DNAJC15: variants seen among roughly 807,000 people sequenced by gnomAD.
DNAJC15 encodes dnaJ homolog subfamily C member 15.
DNAJC15 carries 27 observed loss-of-function variants against 22.4 expected under a neutral mutation model. The ratio of observed to expected loss-of-function variants is 1.20; its 90% confidence interval spans 0.89 to 1.66. DNAJC15 has a LOEUF of 1.66. DNAJC15 is among the 40% of genes most tolerant of loss of function. The pLI, the probability that DNAJC15 is intolerant of heterozygous loss-of-function variation, is 0.00. For missense variants in DNAJC15, 208 were observed against 187.1 expected (o/e 1.11, Z -0.65); for synonymous variants, 79 against 63.2 (o/e 1.25, Z -1.19).
intron 1 of DNAJC15, among the ~76,000 whole-genome samples, chr13:43,030,653 A>G (rs755769560): frequency 6.6e-6 from 1 of 152,206 alleles, no homozygotes; most frequent in African/African-American, 2.4e-5. Context: ...TCTAAGTGCT[A>G]TAGTGGATAC....
At chr13:43,086,162 G>A (rs980283486) in intron 5 of DNAJC15, among the ~76,000 whole-genome samples, 7 of 152,178 alleles carry the variant, frequency 4.6e-5, no homozygotes, top group African/African-American at 1.7e-4. Context: ...TGGGCATCAC[G>A]AATTGTATTT....
chr13:43,084,543 C>A (rs1441287142), intron 4 of DNAJC15, among the ~76,000 whole-genome samples: 1 of 152,172 alleles, frequency 6.6e-6, no homozygotes, highest in Non-Finnish European at 1.5e-5. Context: ...TTATTTTGAG[C>A]TTTACAATAA....
intron 5 of DNAJC15, among the ~76,000 whole-genome samples, chr13:43,093,399 T>C (rs1200616843): frequency 6.6e-6 from 1 of 152,188 alleles, no homozygotes; most frequent in Non-Finnish European, 1.5e-5. Context: ...AATTGTTTTC[T>C]TTTTATTTTT....
In DNAJC15 at chr13:43,107,290, C is replaced by T. The variant is rs9562463; in HGVS notation, c.*42C>T. The T allele has an allele frequency of 6.3e-6, 7 of 1,118,804 alleles. No individual in the cohort carries two copies. The highest frequency in any genetic ancestry group is 3.0e-5 in the East Asian group (1 of 33,400). The allele number at this position is 1,118,804 out of a possible 1,614,324, so 69.3% of individuals were successfully genotyped here. A position where few individuals can be genotyped will look rare whatever the true frequency, so the allele number is the denominator to read the frequency against. On this transcript the variant is annotated 3_prime_UTR_variant, in exon 6 of 6. Coordinates refer to ENST00000379221, the MANE Select transcript of DNAJC15 (RefSeq NM_013238.3). ...TGAAGGAAAAAAAAAGAGGGGACTT[C>T]GAAAAAAAAAAAAGCCCTGCAAAAT...
At chr13:43,105,566 C>G (rs1018399728) in intron 5 of DNAJC15, among the ~76,000 whole-genome samples, 3 of 152,036 alleles carry the variant, frequency 2.0e-5, no homozygotes, top group African/African-American at 7.2e-5. Flanking sequence ...TCATTTTTTT[C>G]CTCTAACATT....
chr13:43,080,101 G>T (rs978991061), intron 4 of DNAJC15, among the ~76,000 whole-genome samples: 3 of 151,970 alleles, frequency 2.0e-5, no homozygotes, highest in African/African-American at 4.8e-5. Context: ...TAGGTTCAGG[G>T]TTACACGTGC....
chr13:43,043,482 C>T (rs1481088929), intron 1 of DNAJC15, among the ~76,000 whole-genome samples: 1 of 152,182 alleles, frequency 6.6e-6, no homozygotes, highest in East Asian at 1.9e-4. Flanking sequence ...CAAAACAGTA[C>T]TTAAAAGATC....
At chr13:43,068,857 G>T in intron 2 of DNAJC15, 73 bp from the exon 3 acceptor site, 1 of 1,246,882 alleles carries the variant, frequency 8.0e-7, no homozygotes, top group Non-Finnish European at 1.1e-6. Context: ...AAATACTGTT[G>T]CAAGCACTTT....
At chr13:43,104,676 T>G (rs1486208364) in intron 5 of DNAJC15, among the ~76,000 whole-genome samples, 2 of 146,984 alleles carry the variant, frequency 1.4e-5, no homozygotes, top group African/African-American at 5.0e-5. Context: ...TTTGTTCTTT[T>G]TCTTTTCTTT....
intron 5 of DNAJC15, among the ~76,000 whole-genome samples, chr13:43,093,785 A>G (rs1292328864): frequency 6.6e-6 from 1 of 152,164 alleles, no homozygotes; most frequent in Non-Finnish European, 1.5e-5. Flanking sequence ...ATATATTAGT[A>G]TAGATAACAT....
intron 1 of DNAJC15, among the ~76,000 whole-genome samples, chr13:43,029,867 C>T (rs905121470): frequency 6.6e-6 from 1 of 152,106 alleles, no homozygotes; most frequent in African/African-American, 2.4e-5. Context: ...GTACCAGGCA[C>T]ATGGTTGCTC....
intron 5 of DNAJC15, among the ~76,000 whole-genome samples, chr13:43,089,165 C>T (rs1251253727): frequency 6.6e-6 from 1 of 152,112 alleles, no homozygotes; most frequent in Non-Finnish European, 1.5e-5. Flanking sequence ...GTAGTGATAA[C>T]TAATACATTA....
At chr13:43,102,265 T>TAAA (rs2040773049) in intron 5 of DNAJC15, among the ~76,000 whole-genome samples, 1 of 152,174 alleles carries the variant, frequency 6.6e-6, no homozygotes, top group African/African-American at 2.4e-5. Flanking sequence ...TAGCCCACTT[T>TAAA]TTGATGGGAT....
In DNAJC15 at chr13:43,109,942, T is replaced by TA. The variant is rs10611445; in HGVS notation, c.*2701dup. 1.3e-5 allele frequency: 2 copies of TA among 152,148 alleles called. No individual in the cohort carries two copies. The highest frequency in any genetic ancestry group is 2.4e-5 in the African/African-American group (1 of 41,410). The allele number at this position is 152,148 out of a possible 1,614,324, so 9.4% of individuals were successfully genotyped here. A position where few individuals can be genotyped will look rare whatever the true frequency, so the allele number is the denominator to read the frequency against. On this transcript the variant is annotated 3_prime_UTR_variant, in exon 6 of 6. Transcript: ENST00000379221. ...TAAAGCATTTAGTCACGTAAATGCT[T>TA]AAAAAAATGTAATTTTTACTTCTTT...
chr13:43,041,101 T>C (rs1233405943), intron 1 of DNAJC15, among the ~76,000 whole-genome samples: 1 of 152,162 alleles, frequency 6.6e-6, no homozygotes, highest in African/African-American at 2.4e-5. Context: ...GGTGTCGGGC[T>C]GGGGGACGGT....
intron 1 of DNAJC15, among the ~76,000 whole-genome samples, chr13:43,052,220 C>T (rs1433500363): frequency 6.6e-6 from 1 of 152,002 alleles, no homozygotes; most frequent in Non-Finnish European, 1.5e-5. Flanking sequence ...GTCTCAGCCT[C>T]CCAAAGTGCT....
chr13:43,059,551 C>G (rs2040548190), intron 1 of DNAJC15, among the ~76,000 whole-genome samples: 1 of 152,070 alleles, frequency 6.6e-6, no homozygotes, highest in Admixed American at 6.6e-5. Flanking sequence ...TTTAGTAGAG[C>G]CACCACACCC....
chr13:43,071,103 C>T (rs553892659), intron 3 of DNAJC15, among the ~76,000 whole-genome samples: 5 of 152,002 alleles, frequency 3.3e-5, no homozygotes, highest in Non-Finnish European at 7.4e-5. Context: ...TAGAAAATTA[C>T]CAAGCTGTGC....
chr13:43,045,623 TGAG>T (rs1227228342), intron 1 of DNAJC15, among the ~76,000 whole-genome samples: 8 of 152,188 alleles, frequency 5.3e-5, no homozygotes, highest in Admixed American at 5.2e-4. Context: ...TTCTAAGTCA[TGAG>T]TTGATTTTTA....
Sources: allele counts gnomAD v4.1 joint callset (sites outside exome capture counted in the v4.1 genomes callset), GRCh38; gene constraint gnomAD v4.1.1; transcripts MANE v1.5; gene names NCBI Gene and HGNC (gene_info 2026-07-23, HGNC 2026-07-21).